NDRG1: variants seen among roughly 807,000 people sequenced by gnomAD.
NDRG1 encodes N-myc downstream regulated 1, also known as protein NDRG1.
NDRG1 carries 32 observed loss-of-function variants against 56.9 expected under a neutral mutation model. That is an observed-to-expected ratio of 0.56 (90% CI 0.42 to 0.76). The LOEUF (loss-of-function observed/expected upper bound fraction) is 0.76. Among genes scored for constraint, NDRG1 ranks in the 30% least tolerant of loss-of-function variants. The probability of loss-of-function intolerance (pLI) is 0.00; values close to 1 mark genes in which losing one functional copy is unlikely to be tolerated. For synonymous variants in NDRG1, 211 were observed against 204.1 expected, an observed-to-expected ratio of 1.03 and a Z score of -0.29; for missense variants, 507 against 545.7, an observed-to-expected ratio of 0.93 and a Z score of 0.71.
At chr8:133,293,467 AAG>A (rs1410724071) in intron 1 of NDRG1, among the ~76,000 whole-genome samples, 3 of 152,206 alleles carry the variant, frequency 2.0e-5, no homozygotes, top group Non-Finnish European at 4.4e-5. Flanking sequence ...CTCTGGACAG[AAG>A]AGTCACCAGC....
chr8:133,295,782 A>G (rs1300370819), intron 1 of NDRG1, among the ~76,000 whole-genome samples: 2 of 152,154 alleles, frequency 1.3e-5, no homozygotes, highest in Admixed American at 1.3e-4. Context: ...AAGGATGTCT[A>G]CCGCCCTCCT....
In NDRG1 at chr8:133,264,681, G is replaced by A. The variant is rs202178429; in HGVS notation, c.100-29C>T. On this transcript the variant is annotated intron_variant, in intron 3 of 15. Transcript: ENST00000323851. ...AGGAGACACAGCAGACAGTGGGCTG[G>A]TCATGTGGGGTTCATGGCATCCGCG... 6 of 1,585,924 alleles carry A rather than the reference G, an allele frequency of 3.8e-6. No individual in the cohort carries two copies. The East Asian group carries it at 1.3e-4, about 35-fold the overall frequency.
intron 1 of NDRG1, among the ~76,000 whole-genome samples, chr8:133,294,465 C>T (rs1416406159): frequency 1.3e-5 from 2 of 152,186 alleles, no homozygotes; most frequent in African/African-American, 2.4e-5. Flanking sequence ...TGAGTCATCA[C>T]GCTTTCTCTC....
At chr8:133,289,157 C>A (rs1430343794) in intron 1 of NDRG1, among the ~76,000 whole-genome samples, 1 of 152,112 alleles carries the variant, frequency 6.6e-6, no homozygotes, top group African/African-American at 2.4e-5. Context: ...TTCAAGTGAT[C>A]CTCCTACTCC....
rs183125157 is a variant in NDRG1, at chr8:133,268,587, G to A, written c.100-3935C>T. ...GGGAGAACATTTGCTAAGCGCCTAC[G>A]AAGAGTAAGGCAGGGTATCAGACCT... On this transcript the variant is annotated intron_variant, in intron 3 of 15. Coordinates refer to ENST00000323851, the MANE Select transcript of NDRG1 (RefSeq NM_006096.4). 1.5e-4 allele frequency among the ~76,000 whole-genome samples: 23 copies of A among 152,272 alleles called. No individual in the cohort carries two copies. The East Asian group carries it at 3.9e-3, about 26-fold the overall frequency.
chr8:133,295,985 A>T (rs1259517962), intron 1 of NDRG1, among the ~76,000 whole-genome samples: 1 of 151,642 alleles, frequency 6.6e-6, no homozygotes, highest in African/African-American at 2.4e-5. Context: ...GCTGTTCAGG[A>T]CCCCCAGGGA....
rs1197436492 is a variant in NDRG1, at chr8:133,244,700, A to G, written c.856-310T>C. 8 of 516,078 alleles carry G rather than the reference A, an allele frequency of 1.6e-5. No individual in the cohort carries two copies. In the East Asian group the frequency reaches 2.8e-4, roughly 18 times the overall value. The allele number at this position is 516,078 out of a possible 1,614,324, so 32.0% of individuals were successfully genotyped here. ...CAGCTGTCCCATTTTACAGGCAGAAACTGGGCCAGGAAGAGCTTGAGGGAC... is the reference window on the plus strand; with the variant it reads ...CAGCTGTCCCATTTTACAGGCAGAAGCTGGGCCAGGAAGAGCTTGAGGGAC... On this transcript the variant is annotated intron_variant, in intron 13 of 15. Coordinates refer to ENST00000323851, the MANE Select transcript of NDRG1 (RefSeq NM_006096.4).
In NDRG1 at chr8:133,238,029, T is replaced by A; in HGVS notation, c.*849A>T. On this transcript the variant is annotated 3_prime_UTR_variant, in exon 16 of 16. Coordinates refer to ENST00000323851, the MANE Select transcript of NDRG1 (RefSeq NM_006096.4). ...CTAAGGAATGCAAAACAAATCTAAA[T>A]GATCTTCTCCCTGAACAAGAATAAT... 4.3e-6 allele frequency: 1 copy of A among 233,090 alleles called. No homozygotes were observed. The highest frequency in any genetic ancestry group is 8.5e-6 in the Non-Finnish European group (1 of 117,980). The allele number at this position is 233,090 out of a possible 1,614,324, so 14.4% of individuals were successfully genotyped here.
chr8:133,248,596 T>C lies in NDRG1; in HGVS notation c.755+119A>G, dbSNP rs1321390346. On this transcript the variant is annotated intron_variant, in intron 11 of 15. Transcript: ENST00000323851. ...TAATGCTCAGTCTCTGGGTGGAATA[T>C]ATCCAGGTCTCACTGACACAATGTC... 8.4e-6 allele frequency: 10 copies of C among 1,195,254 alleles called. No homozygotes were observed. The Admixed American group carries it at 1.2e-4, about 14-fold the overall frequency. 74.0% of individuals were successfully genotyped at this position (1,195,254 alleles called of 1,614,324 possible). A position where few individuals can be genotyped will look rare whatever the true frequency, so the allele number is the denominator to read the frequency against.
At chr8:133,285,834 AG>A (rs1209027444) in intron 1 of NDRG1, among the ~76,000 whole-genome samples, 2 of 152,234 alleles carry the variant, frequency 1.3e-5, no homozygotes, top group African/African-American at 4.8e-5. Flanking sequence ...GCCAGCTTGG[AG>A]GCAGGAGGCA....
At chr8:133,252,606 C>T (rs544598307) in intron 9 of NDRG1, among the ~76,000 whole-genome samples, 20 of 149,810 alleles carry the variant, frequency 1.3e-4, no homozygotes, top group African/African-American at 4.9e-4. Flanking sequence ...CTCGTACACT[C>T]GCCAACTCCG....
chr8:133,296,323 C>G (rs1194291568), intron 1 of NDRG1, among the ~76,000 whole-genome samples: 1 of 152,144 alleles, frequency 6.6e-6, no homozygotes, highest in African/African-American at 2.4e-5. Flanking sequence ...GCTCAAGGGG[C>G]CGCCAAATGT....
chr8:133,252,350 C>T (rs1856100207), intron 9 of NDRG1, among the ~76,000 whole-genome samples: 1 of 152,212 alleles, frequency 6.6e-6, no homozygotes, highest in African/African-American at 2.4e-5. Flanking sequence ...TCGCCTAAGC[C>T]TCCCAAAGTG....
rs369862936 is a variant in NDRG1, at chr8:133,280,262, G to T, written c.69C>A (p.Ile23=). Residue 23 remains isoleucine (I), a synonymous_variant, in exon 3 of 16, where the codon ATC becomes ATA. Coordinates refer to ENST00000323851, the MANE Select transcript of NDRG1 (RefSeq NM_006096.4). The stretch of plus-strand genomic sequence containing the variant: ...CATCAAACTCTTGCAGGAGGCCGGT[G>T]ATGGTCTGTGAAAAGACAAAAAAAA... The part of the protein sequence containing the change: ...VKPLVEKGET[I]TGLLQEFDVQ... 66 of 1,614,104 alleles carry T rather than the reference G, an allele frequency of 4.1e-5. No homozygotes were observed. The highest frequency in any genetic ancestry group is 2.4e-4 in the African/African-American group (18 of 75,040).
intron 5 of NDRG1, among the ~76,000 whole-genome samples, chr8:133,261,459 T>C (rs1856655816): frequency 6.6e-6 from 1 of 152,194 alleles, no homozygotes. Context: ...GCAAGGTAGT[T>C]AATGCCTCCA....
chr8:133,295,250 T>C (rs1285060665), intron 1 of NDRG1, among the ~76,000 whole-genome samples: 1 of 152,162 alleles, frequency 6.6e-6, no homozygotes, highest in Non-Finnish European at 1.5e-5. Context: ...CTTCATCCCA[T>C]GTGCATATTT....
At chr8:133,291,610 A>G (rs763424776) in intron 1 of NDRG1, among the ~76,000 whole-genome samples, 6 of 152,200 alleles carry the variant, frequency 3.9e-5, no homozygotes, top group African/African-American at 7.2e-5. Flanking sequence ...GACCTTCAAG[A>G]AAGTTCCCTA....
At chr8:133,248,672 G>A in intron 11 of NDRG1, 43 bp downstream of exon 11, 1 of 1,610,604 alleles carries the variant, frequency 6.2e-7, no homozygotes. Context: ...TTTATAGTGG[G>A]CAGCCCCGAC....
rs2130650331 is a variant in NDRG1 at position 133,237,587 on chromosome 8, G to A, written c.*1291C>T. ...GTGGTGCTGCCCCATTCGGCGAAAG[G>A]TTAGGGAGCAGGAAAAGAGGAAGCA... On this transcript the variant is annotated 3_prime_UTR_variant, in exon 16 of 16. Transcript: ENST00000323851. 1 of 233,272 alleles carries A rather than the reference G, an allele frequency of 4.3e-6. No individual in the cohort carries two copies. The highest frequency in any genetic ancestry group is 2.2e-5 in the African/African-American group (1 of 45,458). The allele number at this position is 233,272 out of a possible 1,614,324, so 14.5% of individuals were successfully genotyped here. A position where few individuals can be genotyped will look rare whatever the true frequency, so the allele number is the denominator to read the frequency against.
Sources: gnomAD v4.1 joint callset for allele counts (sites outside exome capture counted in the v4.1 genomes callset) on GRCh38, gnomAD v4.1.1 for gene constraint, MANE v1.5 for transcripts, NCBI Gene and HGNC (gene_info 2026-07-23, HGNC 2026-07-21) for gene names.